GNE: variants seen among roughly 807,000 people sequenced by gnomAD.
The protein encoded by GNE is glucosamine (UDP-N-acetyl)-2-epimerase/N-acetylmannosamine kinase, also known as bifunctional UDP-N-acetylglucosamine 2-epimerase/N-acetylmannosamine kinase.
In GNE, 41 loss-of-function variants were observed where a neutral mutation model predicts 61.8. The ratio of observed to expected loss-of-function variants is 0.66; its 90% CI spans 0.52 to 0.86. The LOEUF is 0.86. Ranked by LOEUF, GNE falls within the 40% of genes least tolerant of loss-of-function variation. The probability of loss-of-function intolerance (pLI) is 0.00; values close to 1 mark genes in which losing one functional copy is unlikely to be tolerated. For synonymous variants in GNE, 264 were observed against 326.4 expected (o/e 0.81, Z 2.06); for missense variants, 608 against 909.1 (o/e 0.67, Z 4.26).
chr9:36,234,515 A>G (rs1288770871), intron 4 of GNE, among the ~76,000 whole-genome samples: 1 of 152,150 alleles, frequency 6.6e-6, no homozygotes, highest in African/African-American at 2.4e-5. Flanking sequence ...CAAGCTGATG[A>G]GAGAGCCTCT....
intron 3 of GNE, among the ~76,000 whole-genome samples, chr9:36,238,898 G>C (rs1335262660): frequency 6.6e-6 from 1 of 152,144 alleles, no homozygotes; most frequent in East Asian, 1.9e-4. Flanking sequence ...ATCTTGAGTT[G>C]ATTTTTGTAT....
chr9:36,231,545 A>G lies in GNE; in HGVS notation c.982+2375T>C, dbSNP rs533690411. On this transcript the variant is annotated intron_variant, in intron 5 of 11. Transcript: ENST00000642385. Reference sequence around the variant, plus strand: ...ACTAAGTTCTGATGGATGTGAGAAGAAAGATTTGCAACTTTCAGGTCTTGC... The same window carrying G: ...ACTAAGTTCTGATGGATGTGAGAAGGAAGATTTGCAACTTTCAGGTCTTGC... Among the ~76,000 whole-genome samples the G allele has an allele frequency of 1.1e-4, 16 of 152,284 alleles. No homozygotes were observed. The South Asian group carries it at 3.3e-3, about 32-fold the overall frequency.
At chr9:36,219,583 A>G (rs1828491190) in intron 10 of GNE, among the ~76,000 whole-genome samples, 1 of 152,184 alleles carries the variant, frequency 6.6e-6, no homozygotes, top group South Asian at 2.1e-4. Context: ...GGCTGAGAAA[A>G]CAAAACTGAA....
At chr9:36,262,021 T>A (rs925793809), upstream of GNE, among the ~76,000 whole-genome samples, 1 of 151,950 alleles carries the variant, frequency 6.6e-6, no homozygotes, top group African/African-American at 2.4e-5. Context: ...GAACGTTAAA[T>A]TTTTCTTCCT....
intron 3 of GNE, among the ~76,000 whole-genome samples, chr9:36,243,878 C>A (rs1279296680): frequency 6.6e-6 from 1 of 151,738 alleles, no homozygotes; most frequent in Non-Finnish European, 1.5e-5. Context: ...GTAATGTAAT[C>A]TAGATTAAAA....
intron 1 of GNE, among the ~76,000 whole-genome samples, chr9:36,266,949 TC>T (rs1676330179): frequency 6.6e-6 from 1 of 150,564 alleles, no homozygotes; most frequent in Non-Finnish European, 1.5e-5. Context: ...GCCTGTAATC[TC>T]AGCTACTCGG....
rs1451284302 is a variant in GNE at position 36,218,136 on chromosome 9, T to C, written c.1933+47A>G. The stretch of plus-strand genomic sequence containing the variant: ...TGGGGCCGGGCTGGGCCATATGATA[T>C]CTGAGGCCACCCCCTGCAGCACAGC... On this transcript the variant is annotated intron_variant, in intron 11 of 11. Transcript: ENST00000642385. This position sits in a 1 kb window ranked among gnomAD's most constrained non-coding sequence, Gnocchi z 4.1. 2 of 1,304,842 alleles carry C rather than the reference T, an allele frequency of 1.5e-6. No homozygotes were observed. The highest frequency in any genetic ancestry group is 2.3e-5 in the East Asian group (1 of 43,510). The allele number at this position is 1,304,842 out of a possible 1,614,324, so 80.8% of individuals were successfully genotyped here.
At chr9:36,258,570 C>G, upstream of GNE, 1 of 940,916 alleles carries the variant, frequency 1.1e-6, no homozygotes, top group Non-Finnish European at 1.3e-6. Flanking sequence ...TGCTCCCGTC[C>G]CCGTCCCCCA....
At chr9:36,264,990 C>T in intron 1 of GNE, 1 of 242,104 alleles carries the variant, frequency 4.1e-6, no homozygotes, top group Non-Finnish European at 8.0e-6. Context: ...TGTTACCGCT[C>T]AAGCTAAGCT....
chr9:36,258,181 C>T (rs1362780214), intron 1 of GNE, 140 bp downstream of exon 1: 11 of 290,372 alleles, frequency 3.8e-5, no homozygotes, highest in East Asian at 1.8e-4. Flanking sequence ...GGGCGAGAGC[C>T]GGGTCCAGTG....
chr9:36,244,347 G>A (rs1314158366), intron 3 of GNE, among the ~76,000 whole-genome samples: 1 of 152,086 alleles, frequency 6.6e-6, no homozygotes, highest in African/African-American at 2.4e-5. Context: ...TAGATTATTA[G>A]TCCTAATTTG....
rs1251698264 is a variant in GNE at position 36,242,567 on chromosome 9, G to GCC, written c.616+3463_616+3464insGG. On this transcript the variant is annotated intron_variant, in intron 3 of 11. Coordinates refer to ENST00000642385, the MANE Select transcript of GNE (RefSeq NM_005476.7). ...CCCAAGTACCTGGGACTACAGGTGT[G>GCC]CGCCACCATGCTCAGCTAATTTTTG... 2.6e-5 allele frequency among the ~76,000 whole-genome samples: 4 copies of GCC among 152,022 alleles called. No individual in the cohort carries two copies. In the East Asian group the frequency reaches 7.8e-4, roughly 30 times the overall value.
chr9:36,258,576 C>A, upstream of GNE: 2 of 918,608 alleles, frequency 2.2e-6, no homozygotes, highest in African/African-American at 3.6e-5. Context: ...CGTCCCCGTC[C>A]CCCACCTTCC....
In GNE at chr9:36,227,237, A is replaced by C. The variant is rs1280822254; in HGVS notation, c.1281+11T>G. 6.4e-7 allele frequency: 1 copy of C among 1,565,744 alleles called. No homozygotes were observed. Among genetic ancestry groups the C allele is most frequent in the African/African-American group, 1.4e-5 (1 of 73,960 alleles). ...TGGGATATAAAGTTAGGAGTTTAGG[A>C]GTTATTTTACCTTCATGCTGACTAT... On this transcript the variant is annotated intron_variant, in intron 7 of 11. Coordinates refer to ENST00000642385, the MANE Select transcript of GNE (RefSeq NM_005476.7).
intron 1 of GNE, among the ~76,000 whole-genome samples, chr9:36,273,430 T>A (rs1831121176): frequency 6.6e-6 from 1 of 151,926 alleles, no homozygotes; most frequent in Non-Finnish European, 1.5e-5. Flanking sequence ...TTGGCCAGGC[T>A]GGTCTCGAAC....
chr9:36,237,645 C>T (rs1158411128), intron 3 of GNE, among the ~76,000 whole-genome samples: 2 of 134,946 alleles, frequency 1.5e-5, no homozygotes, highest in Non-Finnish European at 3.4e-5. Flanking sequence ...GCTCCACTTA[C>T]TTTTTTTTTT....
intron 1 of GNE, among the ~76,000 whole-genome samples, chr9:36,266,302 A>G (rs530347502): frequency 3.3e-5 from 5 of 152,276 alleles, no homozygotes; most frequent in African/African-American, 1.2e-4. Flanking sequence ...GGGACCCCCT[A>G]CTCTAGAGTA....
intron 7 of GNE, among the ~76,000 whole-genome samples, chr9:36,224,221 C>G (rs531214512): frequency 2.0e-5 from 3 of 151,594 alleles, no homozygotes; most frequent in Non-Finnish European, 4.4e-5. Flanking sequence ...GCGGGAGAAT[C>G]GCTTGGGCCC....
At chr9:36,240,237 C>A (rs1007306692) in intron 3 of GNE, among the ~76,000 whole-genome samples, 1 of 152,138 alleles carries the variant, frequency 6.6e-6, no homozygotes, top group Admixed American at 6.6e-5. Context: ...TTGTCTTGTT[C>A]CAATTCTCAG....
Sources: gnomAD v4.1 joint callset for allele counts (sites outside exome capture counted in the v4.1 genomes callset) on GRCh38, gnomAD v4.1.1 for gene constraint, Gnocchi (gnomAD v3.1) non-coding constraint, MANE v1.5 for transcripts, NCBI Gene and HGNC (gene_info 2026-07-23, HGNC 2026-07-21) for gene names.